PCSK5: variants seen among roughly 807,000 people sequenced by gnomAD.
PCSK5 encodes prohormone convertase 5.
A neutral mutation model predicts 233.2 loss-of-function variants in PCSK5; 129 were observed. That is an observed-to-expected ratio of 0.55 (90% CI 0.48 to 0.64). The LOEUF is 0.64. PCSK5 is among the 30% of genes least tolerant of loss of function. The pLI is 0.00. For synonymous variants in PCSK5, 825 were observed against 879.2 expected (o/e 0.94, Z 1.09); for missense variants, 2,076 against 2,430.1 (o/e 0.85, Z 3.06).
In PCSK5 at chr9:76,332,626, A is replaced by AT. The variant is rs1335097277; in HGVS notation, c.4748+20dup. The AT allele has an allele frequency of 6.5e-7, 1 of 1,530,782 alleles. No individual in the cohort carries two copies. The highest frequency in any genetic ancestry group is 2.0e-5 in the Admixed American group (1 of 49,548). The allele number at this position is 1,530,782 out of a possible 1,614,324, so 94.8% of individuals were successfully genotyped here. ...GCAGGGAAGGGTAAGTGCTCAATAC[A>AT]TTTTCCCCCATGTAATTTCACAGCC... On this transcript the variant is annotated intron_variant, in intron 34 of 37. Coordinates refer to ENST00000674117, the MANE Select transcript of PCSK5 (RefSeq NM_001372043.1).
At chr9:76,139,031 A>G (rs1437194383) in intron 10 of PCSK5, among the ~76,000 whole-genome samples, 3 of 151,946 alleles carry the variant, frequency 2.0e-5, no homozygotes, top group Admixed American at 2.0e-4. Flanking sequence ...ACAGTCTAAC[A>G]TGACTTCTTA....
intron 10 of PCSK5, among the ~76,000 whole-genome samples, chr9:76,151,467 C>G (rs769478769): frequency 6.6e-5 from 10 of 152,148 alleles, no homozygotes; most frequent in Non-Finnish European, 1.2e-4. Flanking sequence ...TGCACACTTA[C>G]CACTCTCCCC....
At chr9:75,911,331 ACT>A (rs943093860) in intron 1 of PCSK5, among the ~76,000 whole-genome samples, 1 of 145,598 alleles carries the variant, frequency 6.9e-6, no homozygotes, top group African/African-American at 2.6e-5. Flanking sequence ...TCTTTCTCCC[ACT>A]TTGTAGTCTC....
intron 3 of PCSK5, among the ~76,000 whole-genome samples, chr9:76,011,186 TA>T (rs1405109661): frequency 6.6e-6 from 1 of 152,240 alleles, no homozygotes; most frequent in East Asian, 1.9e-4. Context: ...TTGCTCATTA[TA>T]CTCCAGGGTC....
At chr9:76,060,610 TAATTA>T (rs1829993918) in intron 5 of PCSK5, among the ~76,000 whole-genome samples, 1 of 149,294 alleles carries the variant, frequency 6.7e-6, no homozygotes, top group South Asian at 2.1e-4. Flanking sequence ...AATTACTAAC[TAATTA>T]ATTTCTAGGG....
chr9:76,210,582 G>C (rs1825292621), intron 20 of PCSK5, among the ~76,000 whole-genome samples: 1 of 152,162 alleles, frequency 6.6e-6, no homozygotes, highest in Admixed American at 6.5e-5. Context: ...ATTGAAGCAA[G>C]GGCCAAATTT....
intron 3 of PCSK5, among the ~76,000 whole-genome samples, chr9:76,014,996 G>T (rs1233123077): frequency 6.6e-6 from 1 of 152,174 alleles, no homozygotes; most frequent in East Asian, 1.9e-4. Flanking sequence ...GATTTATCAT[G>T]AAGGATTGGT....
At chr9:76,154,237 G>A (rs961318721) in intron 10 of PCSK5, among the ~76,000 whole-genome samples, 4 of 152,092 alleles carry the variant, frequency 2.6e-5, no homozygotes, top group Non-Finnish European at 4.4e-5. Flanking sequence ...CCTCTCTTCC[G>A]AGCATCTACT....
intron 3 of PCSK5, among the ~76,000 whole-genome samples, chr9:76,016,076 A>G (rs185197149): frequency 1.3e-5 from 2 of 152,338 alleles, no homozygotes; most frequent in Admixed American, 6.5e-5. Context: ...TATTTTCTCA[A>G]GAAAGTTCTC....
At position 76,078,348 on chromosome 9, in the gene PCSK5, C is replaced by G. The variant is rs182680259; in HGVS notation, c.894+6450C>G. Among the ~76,000 whole-genome samples, 13 of 152,242 alleles carry G rather than the reference C, an allele frequency of 8.5e-5. No homozygotes were observed. In the East Asian group the frequency reaches 2.3e-3, roughly 27 times the overall value. ...TTGAGAACCTGGTCACAAATTCTTT[C>G]CCAAGACCCATATCCAAAATGGCAT... On this transcript the variant is annotated intron_variant, in intron 7 of 37. Coordinates refer to ENST00000674117, the MANE Select transcript of PCSK5 (RefSeq NM_001372043.1).
chr9:76,210,582 G>A (rs1825292621), intron 20 of PCSK5, among the ~76,000 whole-genome samples: 1 of 152,162 alleles, frequency 6.6e-6, no homozygotes, highest in African/African-American at 2.4e-5. Flanking sequence ...ATTGAAGCAA[G>A]GGCCAAATTT....
chr9:75,935,033 T>TTCTTTCTGTCTACA (rs1353037668), intron 2 of PCSK5, among the ~76,000 whole-genome samples: 8 of 152,196 alleles, frequency 5.3e-5, no homozygotes, highest in Non-Finnish European at 1.0e-4. Context: ...TAGTTGATCA[T>TTCTTTCTGTCTACA]TCTTTCTGTC....
chr9:76,325,505 G>A lies in PCSK5; in HGVS notation c.4339+2217G>A, dbSNP rs80025561. On this transcript the variant is annotated intron_variant, in intron 32 of 37. Coordinates refer to ENST00000674117, the MANE Select transcript of PCSK5 (RefSeq NM_001372043.1). ...TTAGTGTGGGTTGAGAGCCATTGAG[G>A]TAAATGGCAATTTTCTGCATTTTTC... 8.6e-3 allele frequency among the ~76,000 whole-genome samples: 1,313 copies of A among 152,256 alleles called. 14 individuals carry two copies. Among genetic ancestry groups the A allele is most frequent in the African/African-American group, 0.03 (1,249 of 41,536 alleles).
intron 2 of PCSK5, among the ~76,000 whole-genome samples, chr9:75,951,077 C>T (rs2131323852): frequency 6.6e-6 from 1 of 152,224 alleles, no homozygotes; most frequent in Admixed American, 6.5e-5. Context: ...AAGTCTTAAC[C>T]AGTAGTTAGT....
intron 2 of PCSK5, among the ~76,000 whole-genome samples, chr9:75,981,557 T>C (rs1826278389): frequency 6.6e-6 from 1 of 152,174 alleles, no homozygotes; most frequent in African/African-American, 2.4e-5. Context: ...TTTAGACTTG[T>C]AGTCTTTTTT....
rs1366116400 is a variant in PCSK5 at position 76,297,765 on chromosome 9, G to A, written c.3523+900G>A. ...CTTCGGTGCAAAGGCAACGGCAGCC[G>A]AAGAGAGTGCTGTACAGGAGGAGTG... On this transcript the variant is annotated intron_variant, in intron 27 of 37. Transcript: ENST00000674117. 9.2e-5 allele frequency among the ~76,000 whole-genome samples: 14 copies of A among 152,318 alleles called. 2 individuals are homozygous for A. The East Asian group carries it at 1.2e-3, about 13-fold the overall frequency.
chr9:76,228,300 A>G (rs111608416), intron 21 of PCSK5, among the ~76,000 whole-genome samples: 3,398 of 152,126 alleles, frequency 0.022, 49 homozygotes, highest in South Asian at 0.04. Context: ...AACTGTTTTT[A>G]AAGGCATTTC....
chr9:75,919,774 G>A (rs1823164299), intron 1 of PCSK5, among the ~76,000 whole-genome samples: 1 of 152,170 alleles, frequency 6.6e-6, no homozygotes, highest in African/African-American at 2.4e-5. Context: ...CACAGATGCT[G>A]CTGCTCTTCC....
chr9:76,022,591 A>G (rs905515527), intron 3 of PCSK5, among the ~76,000 whole-genome samples: 7 of 152,198 alleles, frequency 4.6e-5, no homozygotes, highest in African/African-American at 1.7e-4. Flanking sequence ...CATCACACAG[A>G]GGGATATTTC....
Sources: gnomAD v4.1 joint callset for allele counts (sites outside exome capture counted in the v4.1 genomes callset) on GRCh38, gnomAD v4.1.1 for gene constraint, MANE v1.5 for transcripts, NCBI Gene and HGNC (gene_info 2026-07-23, HGNC 2026-07-21) for gene names.